Variants in TUBGCP3 observed in about 807,000 individuals in gnomAD.
TUBGCP3 encodes gamma-tubulin complex component 3.
Under a neutral mutation model 123.1 loss-of-function variants are expected in TUBGCP3, and 50 were observed. The observed-to-expected ratio is 0.41, with a 90% CI of 0.32 to 0.51. TUBGCP3 has a LOEUF of 0.51. TUBGCP3 is among the 20% of genes least tolerant of loss of function. The probability of loss-of-function intolerance (pLI) is 0.36; values close to 1 mark genes in which losing one functional copy is unlikely to be tolerated. For synonymous variants in TUBGCP3, 405 were observed against 413.9 expected, an observed-to-expected ratio of 0.98 and a Z score of 0.26; for missense variants, 882 against 1,127.0, an observed-to-expected ratio of 0.78 and a Z score of 3.11.
intron 6 of TUBGCP3, among the ~76,000 whole-genome samples, chr13:112,555,405 C>A (rs1879942443): frequency 6.6e-6 from 1 of 152,206 alleles, no homozygotes; most frequent in East Asian, 1.9e-4. Flanking sequence ...AGGTAACATC[C>A]AGAGCCATTT....
chr13:112,598,915 T>TAG, the TUBGCP3 span, among the ~76,000 whole-genome samples: 9 of 136,696 alleles, frequency 6.6e-5, no homozygotes, highest in South Asian at 2.0e-3. Context: ...CACTGCACTC[T>TAG]AGCCTGGGTG....
chr13:112,567,838 A>G (rs773121784), intron 2 of TUBGCP3, among the ~76,000 whole-genome samples: 2 of 152,266 alleles, frequency 1.3e-5, no homozygotes, highest in Non-Finnish European at 2.9e-5. Flanking sequence ...ATAATGCAAC[A>G]GCCAGGGGTG....
At chr13:112,501,719 T>C (rs1342030796) in intron 19 of TUBGCP3, among the ~76,000 whole-genome samples, 1 of 152,108 alleles carries the variant, frequency 6.6e-6, no homozygotes, top group African/African-American at 2.4e-5. Flanking sequence ...AATTAAAGAG[T>C]AAAGCCATCA....
chr13:112,572,098 A>G (rs1235014571), intron 1 of TUBGCP3, among the ~76,000 whole-genome samples: 1 of 152,188 alleles, frequency 6.6e-6, no homozygotes, highest in African/African-American at 2.4e-5. Flanking sequence ...TCCTTCAAGA[A>G]CTTTTCCTAT....
At chr13:112,502,961 T>TA (rs1416565084) in intron 19 of TUBGCP3, among the ~76,000 whole-genome samples, 3 of 152,242 alleles carry the variant, frequency 2.0e-5, no homozygotes, top group Non-Finnish European at 2.9e-5. Context: ...GCTTTGATCT[T>TA]AACCATTTTT....
intron 13 of TUBGCP3, among the ~76,000 whole-genome samples, chr13:112,525,340 C>G (rs1315984100): frequency 6.6e-6 from 1 of 152,270 alleles, no homozygotes; most frequent in South Asian, 2.1e-4. Context: ...TTGAGCCTTG[C>G]CTGAAAATAC....
At chr13:112,583,481 G>A (rs1178853887) in intron 1 of TUBGCP3, among the ~76,000 whole-genome samples, 4 of 152,198 alleles carry the variant, frequency 2.6e-5, no homozygotes, top group Non-Finnish European at 4.4e-5. Context: ...CTGGAATTGC[G>A]TTCAGTCCCA....
the TUBGCP3 span, among the ~76,000 whole-genome samples, chr13:112,598,236 G>C: frequency 6.6e-6 from 1 of 151,532 alleles, no homozygotes; most frequent in Non-Finnish European, 1.5e-5. Flanking sequence ...AGAAACAAAG[G>C]CTTTTTTAGA....
chr13:112,571,533 T>C (rs1302930907), intron 1 of TUBGCP3, among the ~76,000 whole-genome samples: 1 of 152,176 alleles, frequency 6.6e-6, no homozygotes, highest in Non-Finnish European at 1.5e-5. Flanking sequence ...GGCCCCAGGA[T>C]TTTTGGAATG....
At chr13:112,500,901 G>A (rs934560716) in intron 19 of TUBGCP3, among the ~76,000 whole-genome samples, 1 of 152,212 alleles carries the variant, frequency 6.6e-6, no homozygotes, top group Non-Finnish European at 1.5e-5. Context: ...CAGCAGCACC[G>A]TTCAGAGTTG....
chr13:112,492,534 C>CT (rs1315512829), intron 20 of TUBGCP3, among the ~76,000 whole-genome samples: 1 of 152,250 alleles, frequency 6.6e-6, no homozygotes, highest in Admixed American at 6.5e-5. Context: ...ATGACCACCT[C>CT]TCCCCCCAGA....
At chr13:112,488,608 A>G in intron 21 of TUBGCP3, among the ~76,000 whole-genome samples, 1 of 151,004 alleles carries the variant, frequency 6.6e-6, no homozygotes, top group Non-Finnish European at 1.5e-5. Flanking sequence ...GGCCACCCCC[A>G]GGTCCCCACA....
the TUBGCP3 span, among the ~76,000 whole-genome samples, chr13:112,594,692 A>G: frequency 2.0e-5 from 3 of 152,176 alleles, no homozygotes; most frequent in South Asian, 6.2e-4. Context: ...TTTCTAATGT[A>G]AACATTTAGT....
intron 14 of TUBGCP3, 94 bp from the exon 15 acceptor site, chr13:112,520,115 T>C (rs1876490067): frequency 7.9e-7 from 1 of 1,271,612 alleles, no homozygotes; most frequent in African/African-American, 1.5e-5. Context: ...GAGTTCAAAT[T>C]ATAAAAACTC....
intron 10 of TUBGCP3, chr13:112,546,538 G>A (rs915937539): frequency 4.6e-5 from 7 of 152,370 alleles, no homozygotes; most frequent in African/African-American, 1.7e-4. Flanking sequence ...GGAGAGGAGT[G>A]ACAGGATCTG....
chr13:112,512,136 A>G (rs1881708918), intron 17 of TUBGCP3, among the ~76,000 whole-genome samples: 1 of 152,226 alleles, frequency 6.6e-6, no homozygotes, highest in Non-Finnish European at 1.5e-5. Context: ...CATCTTAAAC[A>G]GTGGCTGAGC....
At chr13:112,561,705 G>A (rs1880525847) in intron 3 of TUBGCP3, among the ~76,000 whole-genome samples, 1 of 152,228 alleles carries the variant, frequency 6.6e-6, no homozygotes, top group Admixed American at 6.5e-5. Flanking sequence ...GTAAGTCCCT[G>A]TGGGAGTTTC....
chr13:112,530,731 A>T (rs969631462), intron 11 of TUBGCP3, among the ~76,000 whole-genome samples: 5 of 152,230 alleles, frequency 3.3e-5, no homozygotes, highest in Admixed American at 2.6e-4. Flanking sequence ...TCAAAAAAAA[A>T]TTTAATGGCA....
At chr13:112,500,821 T>C (rs944136993) in intron 19 of TUBGCP3, among the ~76,000 whole-genome samples, 2 of 152,248 alleles carry the variant, frequency 1.3e-5, no homozygotes, top group Non-Finnish European at 2.9e-5. Flanking sequence ...GGACTAATAC[T>C]ATTCTGCAAA....
Sources: gnomAD v4.1 joint callset for allele counts (sites outside exome capture counted in the v4.1 genomes callset) on GRCh38, gnomAD v4.1.1 for gene constraint, MANE v1.5 for transcripts, NCBI Gene and HGNC (gene_info 2026-07-23, HGNC 2026-07-21) for gene names.